The following ITGAD variants were observed in gnomAD, a reference collection of about 807,000 sequenced individuals.
ITGAD encodes integrin alpha-D.
Under a neutral mutation model 139.0 loss-of-function variants are expected in ITGAD, and 105 were observed. The ratio of observed to expected loss-of-function variants is 0.76; its 90% confidence interval spans 0.65 to 0.89. The LOEUF (loss-of-function observed/expected upper bound fraction) is 0.89. Among genes scored for constraint, ITGAD ranks in the 40% least tolerant of loss-of-function variants. The probability of loss-of-function intolerance (pLI) is 0.00; values close to 1 mark genes in which losing one functional copy is unlikely to be tolerated. For missense variants in ITGAD, 1,384 were observed against 1,487.3 expected (o/e 0.93, Z 1.14); for synonymous variants, 569 against 598.3 (o/e 0.95, Z 0.71).
chr16:31,409,033 C>A (rs1482450628), intron 10 of ITGAD, among the ~76,000 whole-genome samples: 1 of 152,158 alleles, frequency 6.6e-6, no homozygotes, highest in Admixed American at 6.5e-5. Context: ...GTGGCTCATG[C>A]CTGTAATCCC....
chr16:31,406,220 ACG>A (rs2081537503), intron 7 of ITGAD, among the ~76,000 whole-genome samples: 1 of 152,014 alleles, frequency 6.6e-6, no homozygotes, highest in Admixed American at 6.6e-5. Flanking sequence ...GATTACAGGC[ACG>A]CGCCACCATA....
At chr16:31,423,783 T>G in intron 26 of ITGAD, 62 bp from the exon 27 acceptor site, 1 of 1,587,288 alleles carries the variant, frequency 6.3e-7, no homozygotes, top group South Asian at 1.1e-5. Context: ...CTGACCATAT[T>G]TTTTCCTATG....
chr16:31,404,714 C>G (rs1177827721), intron 7 of ITGAD: 2 of 152,302 alleles, frequency 1.3e-5, no homozygotes, highest in East Asian at 3.9e-4. Context: ...GCAGCCTTTG[C>G]TCCCCAGAGC....
In ITGAD at chr16:31,394,337, T is replaced by C; in HGVS notation, c.133T>C (p.Ser45Pro). The C allele has an allele frequency of 8.1e-6, 13 of 1,611,574 alleles. No individual in the cohort carries two copies. Among genetic ancestry groups the C allele is most frequent in the Non-Finnish European group, 1.1e-5 (13 of 1,178,116 alleles). ...GCAGAGCGTGGTGCAGTTCGGTGGA[T>C]CTCGGTAGGCCCCACTCACCCTCCT... ...FGQSVVQFGG[S>P]RLVVGAPLEV... is the part of the protein sequence containing the mutation. Residue 45 changes from serine to proline, a missense_variant, in exon 2 of 30, where the codon TCT (serine) becomes CCT (proline). Physicochemically the swap from Ser to Pro is moderately conservative, Grantham distance 74 (BLOSUM62 -1). Coordinates refer to ENST00000389202, the MANE Select transcript of ITGAD (RefSeq NM_005353.3).
intron 19 of ITGAD, 26 bp from the exon 20 acceptor site, chr16:31,416,479 C>T (rs1385158717): frequency 1.3e-6 from 2 of 1,599,074 alleles, no homozygotes; most frequent in South Asian, 2.2e-5. Flanking sequence ...TGGAGCGCCA[C>T]TCCCAGCCTC....
Position 31,412,909 on chromosome 16 carries a change from C to T in ITGAD, c.1779C>T (p.Leu593=). ...AGGCGCTGAGTGGGGGTCAGGACCT[C>T]ACCCAGGATGGACTGATGGACCTGG... ...FGQALSGGQD[L]TQDGLMDLAV... is the part of the protein sequence containing the mutation. Residue 593 remains leucine, a synonymous_variant, in exon 15 of 30, where the codon CTC becomes CTT. Coordinates refer to ENST00000389202, the MANE Select transcript of ITGAD (RefSeq NM_005353.3). The T allele has an allele frequency of 1.2e-6, 2 of 1,613,766 alleles. No homozygotes were observed. The highest frequency in any genetic ancestry group is 1.7e-6 in the Non-Finnish European group (2 of 1,179,864).
At chr16:31,401,679 T>C (rs2081408722) in intron 5 of ITGAD, among the ~76,000 whole-genome samples, 2 of 152,226 alleles carry the variant, frequency 1.3e-5, no homozygotes, top group Admixed American at 1.3e-4. Context: ...TGGTAGCCAC[T>C]GATATTACCT....
At chr16:31,413,026 T>C (rs2081774168) in intron 15 of ITGAD, 58 bp downstream of exon 15, 1 of 1,605,006 alleles carries the variant, frequency 6.2e-7, no homozygotes, top group Admixed American at 1.7e-5. Context: ...CGGTGCTGCC[T>C]CCCCAGCCAC....
At chr16:31,404,666 A>G (rs1392775780) in intron 7 of ITGAD, 1 of 152,272 alleles carries the variant, frequency 6.6e-6, no homozygotes, top group Non-Finnish European at 1.5e-5. Context: ...CACCAACTCC[A>G]GTCCTGCTCT....
At chr16:31,421,576 G>A (rs2082007115) in intron 23 of ITGAD, among the ~76,000 whole-genome samples, 1 of 151,958 alleles carries the variant, frequency 6.6e-6, no homozygotes, top group African/African-American at 2.4e-5. Context: ...TGGGGTGGGG[G>A]GCACAGAGGA....
At chr16:31,400,278 C>A (rs1228021348) in intron 5 of ITGAD, among the ~76,000 whole-genome samples, 77 of 152,160 alleles carry the variant, frequency 5.1e-4, no homozygotes, top group Non-Finnish European at 1.5e-5. Context: ...TTCTCCCCAG[C>A]ACCCTTGAAG....
intron 19 of ITGAD, 31 bp from the exon 20 acceptor site, chr16:31,416,474 C>G: frequency 6.3e-7 from 1 of 1,594,472 alleles, no homozygotes; most frequent in African/African-American, 1.3e-5. Context: ...TCCAGTGGAG[C>G]GCCACTCCCA....
At chr16:31,396,636 G>A (rs1451857048) in intron 2 of ITGAD, among the ~76,000 whole-genome samples, 2 of 152,168 alleles carry the variant, frequency 1.3e-5, no homozygotes, top group Admixed American at 6.5e-5. Flanking sequence ...GTAAAGGAGC[G>A]GCACCTAGAA....
chr16:31,423,629 T>G lies in ITGAD; in HGVS notation c.3026T>G (p.Ile1009Ser). The change falls in exon 26 of 30, where the codon ATT (isoleucine) becomes AGT (serine). Residue 1009 changes from isoleucine to serine, a missense_variant. Coordinates refer to ENST00000389202, the MANE Select transcript of ITGAD (RefSeq NM_005353.3). ...CAGCATTCTGACTTCCTGACCCAGA[T>G]TTCAAGAAGTCCCATGCTGGTGAGA... ...PPQHSDFLTQ[I>S]SRSPMLDCSI... is the part of the protein sequence containing the mutation. 1 of 1,614,062 alleles carries G rather than the reference T, an allele frequency of 6.2e-7. No homozygotes were observed.
intron 2 of ITGAD, among the ~76,000 whole-genome samples, chr16:31,396,935 T>C (rs2081276741): frequency 6.6e-6 from 1 of 152,174 alleles, no homozygotes; most frequent in African/African-American, 2.4e-5. Flanking sequence ...TGAAAGCACA[T>C]GTCTTCAGGA....
intron 5 of ITGAD, among the ~76,000 whole-genome samples, chr16:31,398,960 T>C: frequency 6.6e-6 from 1 of 152,200 alleles, no homozygotes; most frequent in Non-Finnish European, 1.5e-5. Flanking sequence ...GTGTTTCTTC[T>C]GGATGGTTCA....
intron 7 of ITGAD, among the ~76,000 whole-genome samples, chr16:31,406,747 G>A (rs1177073633): frequency 6.6e-6 from 1 of 152,152 alleles, no homozygotes; most frequent in Non-Finnish European, 1.5e-5. Flanking sequence ...AACTGGCATG[G>A]TGTCACTTCC....
chr16:31,410,215 G>A (rs1302015554), intron 10 of ITGAD, among the ~76,000 whole-genome samples, 180 bp from the exon 11 acceptor site: 1 of 152,172 alleles, frequency 6.6e-6, no homozygotes, highest in Non-Finnish European at 1.5e-5. Context: ...AGTGAGAGGA[G>A]AGGGGGCTGG....
chr16:31,416,137 G>A, intron 18 of ITGAD, 76 bp from the exon 19 acceptor site: 2 of 1,220,620 alleles, frequency 1.6e-6, no homozygotes, highest in Non-Finnish European at 2.3e-6. Context: ...GCTCAATGTT[G>A]GAGAGTGCTT....
Sources: gnomAD v4.1 joint callset for allele counts (sites outside exome capture counted in the v4.1 genomes callset) on GRCh38, gnomAD v4.1.1 for gene constraint, MANE v1.5 for transcripts, NCBI Gene and HGNC (gene_info 2026-07-23, HGNC 2026-07-21) for gene names.